The following MYO18B variants were observed in gnomAD, a reference collection of about 807,000 sequenced individuals.
MYO18B encodes the protein unconventional myosin-XVIIIb.
Under a neutral mutation model 273.0 loss-of-function variants are expected in MYO18B, and 204 were observed. That is an observed-to-expected ratio of 0.75 (90% CI 0.67 to 0.84). MYO18B has a LOEUF of 0.84. Ranked by LOEUF, MYO18B falls within the 40% of genes least tolerant of loss-of-function variation. The pLI is 0.00. For missense variants in MYO18B, 3,212 were observed against 3,287.6 expected (o/e 0.98, Z 0.56); for synonymous variants, 1,330 against 1,305.7 (o/e 1.02, Z -0.40).
the MYO18B span, among the ~76,000 whole-genome samples, chr22:26,054,216 C>T: frequency 6.6e-6 from 1 of 152,186 alleles, no homozygotes; most frequent in African/African-American, 2.4e-5. Context: ...GGACAGAGTT[C>T]TGTTGTATCA....
chr22:25,958,973 T>C (rs1033619832), intron 39 of MYO18B: 9 of 152,214 alleles, frequency 5.9e-5, no homozygotes, highest in African/African-American at 1.9e-4. Context: ...GCCCTGTGCT[T>C]TATGCTGGAT....
intron 12 of MYO18B, 135 bp from the exon 13 acceptor site, chr22:25,823,370 G>T: frequency 1.1e-6 from 1 of 948,332 alleles, no homozygotes. Context: ...GGCCTGGGCA[G>T]TTGTCCAAGC....
chr22:25,858,417 C>T (rs2146088912), intron 21 of MYO18B, among the ~76,000 whole-genome samples: 1 of 152,292 alleles, frequency 6.6e-6, no homozygotes, highest in East Asian at 1.9e-4. Context: ...GTATCCTATT[C>T]CATAGACACA....
intron 12 of MYO18B, among the ~76,000 whole-genome samples, chr22:25,810,320 G>A (rs1015767021): frequency 4.7e-5 from 7 of 150,228 alleles, no homozygotes; most frequent in African/African-American, 1.2e-4. Flanking sequence ...GGATGGTCTC[G>A]AGCTCCTGAC....
intron 5 of MYO18B, 44 bp from the exon 6 acceptor site, chr22:25,770,828 C>T (rs1283267115): frequency 7.1e-7 from 1 of 1,410,282 alleles, no homozygotes; most frequent in Non-Finnish European, 9.8e-7. Context: ...CTTCCCCTCC[C>T]ATCTCCTCCC....
intron 6 of MYO18B, among the ~76,000 whole-genome samples, chr22:25,772,127 G>T (rs967762600): frequency 6.6e-6 from 1 of 152,226 alleles, no homozygotes; most frequent in African/African-American, 2.4e-5. Context: ...CTCATAGGTT[G>T]CACAGAGGGC....
chr22:25,836,330 T>C (rs1399308625), intron 17 of MYO18B, among the ~76,000 whole-genome samples: 3 of 152,124 alleles, frequency 2.0e-5, no homozygotes, highest in Non-Finnish European at 4.4e-5. Flanking sequence ...TCTGCTACGA[T>C]GATTGGGTAA....
At chr22:25,922,935 T>A (rs2092369346) in intron 34 of MYO18B, among the ~76,000 whole-genome samples, 1 of 152,210 alleles carries the variant, frequency 6.6e-6, no homozygotes, top group Admixed American at 6.5e-5. Flanking sequence ...TTGATTTGAA[T>A]TTCACCAGTC....
intron 19 of MYO18B, among the ~76,000 whole-genome samples, chr22:25,846,524 G>GT (rs2090252819): frequency 6.6e-6 from 1 of 152,206 alleles, no homozygotes; most frequent in Non-Finnish European, 1.5e-5. Context: ...GCTGCTTGGT[G>GT]TTGAGTTGAG....
In MYO18B at chr22:25,777,218, G is replaced by A. The variant is rs147644546; in HGVS notation, c.1870-365G>A. Among the ~76,000 whole-genome samples the A allele has an allele frequency of 4.0e-3, 604 of 152,264 alleles. 5 individuals are homozygous for A. The highest frequency in any genetic ancestry group is 0.013 in the African/African-American group (555 of 41,558). On this transcript the variant is annotated intron_variant, in intron 7 of 43. Coordinates refer to ENST00000335473, the MANE Select transcript of MYO18B (RefSeq NM_032608.7). ...GTGTCCATAGCAGACATCACTAATCGTAATGGATAATTATGCTATCGATCC... is the reference window on the plus strand; with the variant it reads ...GTGTCCATAGCAGACATCACTAATCATAATGGATAATTATGCTATCGATCC...
At chr22:25,818,495 A>G (rs2089137496) in intron 12 of MYO18B, among the ~76,000 whole-genome samples, 1 of 152,158 alleles carries the variant, frequency 6.6e-6, no homozygotes. Context: ...GGTTTTGGTG[A>G]GATGAGGCAT....
chr22:25,921,865 C>A (rs2092352922), intron 34 of MYO18B, among the ~76,000 whole-genome samples: 1 of 148,668 alleles, frequency 6.7e-6, no homozygotes, highest in African/African-American at 2.5e-5. Context: ...TGGTGACTGC[C>A]AGGACTAGGT....
At chr22:25,745,267 G>A (rs969466516) in intron 1 of MYO18B, among the ~76,000 whole-genome samples, 28 of 151,770 alleles carry the variant, frequency 1.8e-4, no homozygotes, top group Admixed American at 1.4e-3. Context: ...GCACCACCAC[G>A]CCCGGCTAAT....
chr22:26,040,575 T>C, the MYO18B span, among the ~76,000 whole-genome samples: 819 of 152,220 alleles, frequency 5.4e-3, 5 homozygotes, highest in African/African-American at 0.017. Context: ...CTAGAAGGCA[T>C]TGGAAGTGGT....
At chr22:25,805,810 C>T (rs933457388) in intron 12 of MYO18B, among the ~76,000 whole-genome samples, 5 of 152,178 alleles carry the variant, frequency 3.3e-5, no homozygotes, top group Non-Finnish European at 7.3e-5. Context: ...TGTGGTATGG[C>T]AGTCTTGTCC....
chr22:26,032,691 T>C (rs1936694987), downstream of MYO18B, among the ~76,000 whole-genome samples: 3 of 152,064 alleles, frequency 2.0e-5, no homozygotes, highest in South Asian at 6.2e-4. Flanking sequence ...CCAGCTAATT[T>C]TGCATTTTTT....
chr22:26,011,194 AT>A (rs950292579), intron 42 of MYO18B, among the ~76,000 whole-genome samples: 113 of 151,858 alleles, frequency 7.4e-4, no homozygotes, highest in African/African-American at 2.5e-3. Flanking sequence ...GGGCAACAAG[AT>A]GGCGGCTAAC....
chr22:25,762,263 A>G (rs1360129548), intron 2 of MYO18B, among the ~76,000 whole-genome samples: 4 of 152,222 alleles, frequency 2.6e-5, no homozygotes, highest in Non-Finnish European at 5.9e-5. Context: ...GCTTTATCCC[A>G]TGGCCTTGTC....
intron 12 of MYO18B, among the ~76,000 whole-genome samples, chr22:25,806,898 G>A (rs762171602): frequency 1.3e-5 from 2 of 152,140 alleles, no homozygotes; most frequent in Non-Finnish European, 1.5e-5. Context: ...TTTTCATCTC[G>A]TTGGACCTCA....
Sources: gnomAD v4.1 joint callset for allele counts (sites outside exome capture counted in the v4.1 genomes callset) on GRCh38, gnomAD v4.1.1 for gene constraint, MANE v1.5 for transcripts, NCBI Gene and HGNC (gene_info 2026-07-23, HGNC 2026-07-21) for gene names.